STAMBP: variants seen among roughly 807,000 people sequenced by gnomAD.
The protein encoded by STAMBP is STAM binding protein, also known as STAM-binding protein.
A neutral mutation model predicts 50.7 loss-of-function variants in STAMBP; 31 were observed. The observed-to-expected ratio is 0.61, with a 90% CI of 0.46 to 0.83. The LOEUF (loss-of-function observed/expected upper bound fraction) is 0.83, where lower values mean the gene tolerates loss of function less well. STAMBP is among the 40% of genes least tolerant of loss of function. The pLI is 0.00. For missense variants in STAMBP, 472 were observed against 518.9 expected, an observed-to-expected ratio of 0.91 and a Z score of 0.88; for synonymous variants, 211 against 192.4, an observed-to-expected ratio of 1.10 and a Z score of -0.80.
At chr2:73,858,326 A>T (rs1677852210) in intron 7 of STAMBP, among the ~76,000 whole-genome samples, 1 of 151,708 alleles carries the variant, frequency 6.6e-6, no homozygotes, top group Non-Finnish European at 1.5e-5. Context: ...TTTAAGAGAG[A>T]TGTGGTTTCA....
intron 2 of STAMBP, among the ~76,000 whole-genome samples, chr2:73,837,680 T>G (rs2950281): frequency 6.6e-6 from 1 of 151,652 alleles, no homozygotes; most frequent in Non-Finnish European, 1.5e-5. Flanking sequence ...TCCATAAAAT[T>G]GGGGTATTCT....
At chr2:73,852,420 C>T (rs983009985) in intron 7 of STAMBP, among the ~76,000 whole-genome samples, 3 of 152,124 alleles carry the variant, frequency 2.0e-5, no homozygotes, top group African/African-American at 7.2e-5. Flanking sequence ...AGGTAGTTAT[C>T]AGCCAGTTGG....
At chr2:73,870,423 C>T (rs1245270893), downstream of STAMBP, 2 of 152,200 alleles carry the variant, frequency 1.3e-5, no homozygotes, top group African/African-American at 4.8e-5. Context: ...TGAAGAAGTC[C>T]TGGGTACCCA....
chr2:73,838,852 A>G (rs1573279249), intron 2 of STAMBP, among the ~76,000 whole-genome samples: 1 of 152,342 alleles, frequency 6.6e-6, no homozygotes, highest in East Asian at 1.9e-4. Flanking sequence ...TAATGTAGCT[A>G]CCTTCACTTT....
At chr2:73,867,814 G>A (rs1420555281), downstream of STAMBP, among the ~76,000 whole-genome samples, 1 of 151,980 alleles carries the variant, frequency 6.6e-6, no homozygotes, top group East Asian at 1.9e-4. Context: ...GAAACCAGGG[G>A]GAAAGAAATA....
At chr2:73,845,041 G>A in intron 3 of STAMBP, 126 bp from the exon 4 acceptor site, 1 of 1,526,888 alleles carries the variant, frequency 6.5e-7, no homozygotes, top group Non-Finnish European at 8.8e-7. Flanking sequence ...TAGCAGGTAT[G>A]GTACAGTAGG....
rs1678435599 is a variant in STAMBP, at chr2:73,862,363, A to G, written c.*104A>G. ...AGCTTTGGAAGTTTTTGTAGATAGT[A>G]GAAAGGGGGGCATCACCTGAGAAAG... On this transcript the variant is annotated 3_prime_UTR_variant, in exon 10 of 10. Transcript: ENST00000394070. The G allele has an allele frequency of 1.1e-6, 1 of 905,616 alleles. No homozygotes were observed. Among genetic ancestry groups the G allele is most frequent in the Non-Finnish European group, 1.6e-6 (1 of 624,180 alleles). 56.1% of individuals were successfully genotyped at this position (905,616 alleles called of 1,614,324 possible). A position where few individuals can be genotyped will look rare whatever the true frequency, so the allele number is the denominator to read the frequency against.
downstream of STAMBP, among the ~76,000 whole-genome samples, chr2:73,871,883 T>A (rs1203701329): frequency 1.3e-5 from 2 of 152,108 alleles, no homozygotes; most frequent in Non-Finnish European, 2.9e-5. Flanking sequence ...TTCTTCTGCC[T>A]CAGCCTCCTG....
intron 4 of STAMBP, among the ~76,000 whole-genome samples, chr2:73,847,118 G>A (rs1319900093): frequency 6.6e-6 from 1 of 151,296 alleles, no homozygotes; most frequent in African/African-American, 2.4e-5. Context: ...GAAGAGGAAA[G>A]TGCATTAGGT....
chr2:73,857,410 A>G lies in STAMBP; in HGVS notation c.1006-1844A>G, dbSNP rs547962069. Among the ~76,000 whole-genome samples, 9 of 151,998 alleles carry G rather than the reference A, an allele frequency of 5.9e-5. No homozygotes were observed. The South Asian group carries it at 1.7e-3, about 28-fold the overall frequency. Reference sequence around the variant, plus strand: ...TGTTTACCTCCCTTTTTGTCTGCCTACTCCAGTTCCCCCTTCCCCCTGAGT... The same window carrying G: ...TGTTTACCTCCCTTTTTGTCTGCCTGCTCCAGTTCCCCCTTCCCCCTGAGT... On this transcript the variant is annotated intron_variant, in intron 7 of 9. Coordinates refer to ENST00000394070, the MANE Select transcript of STAMBP (RefSeq NM_213622.4).
chr2:73,851,110 A>G (rs1439780250), intron 7 of STAMBP, among the ~76,000 whole-genome samples: 1 of 152,180 alleles, frequency 6.6e-6, no homozygotes, highest in Admixed American at 6.5e-5. Flanking sequence ...CCCAAGCTGC[A>G]TTTTATGCTG....
intron 2 of STAMBP, among the ~76,000 whole-genome samples, chr2:73,834,236 AATAT>A (rs148699255): frequency 2.3e-3 from 83 of 36,376 alleles, no homozygotes; most frequent in African/African-American, 5.8e-3. Flanking sequence ...AAAAAAAAAA[AATAT>A]ATATATATAT....
At chr2:73,858,182 T>C (rs1677822258) in intron 7 of STAMBP, among the ~76,000 whole-genome samples, 1 of 148,446 alleles carries the variant, frequency 6.7e-6, no homozygotes, top group Non-Finnish European at 1.5e-5. Context: ...TTTTTTTTTT[T>C]TTTAGTAGAG....
In STAMBP at chr2:73,859,282, C is replaced by G. The variant is rs769693096; in HGVS notation, c.1034C>G (p.Ser345Cys). The G allele has an allele frequency of 2.8e-5, 45 of 1,613,656 alleles. No homozygotes were observed. The highest frequency in any genetic ancestry group is 3.7e-5 in the Non-Finnish European group (44 of 1,179,872). The change falls in exon 8 of 10, where the codon TCC becomes TGC. Residue 345 changes from serine to cysteine, a missense_variant. Coordinates refer to ENST00000394070, the MANE Select transcript of STAMBP (RefSeq NM_213622.4). ...HTHPTQTAFL[S>C]SVDLHTHCSY... ...CACCCCACACAGACCGCGTTTCTCT[C>G]CAGTGTCGACCTACACACTCACTGC...
Position 73,862,360 on chromosome 2 carries a change from A to T in STAMBP, c.*101A>T, listed in dbSNP as rs1678435338. On this transcript the variant is annotated 3_prime_UTR_variant, in exon 10 of 10. Transcript: ENST00000394070. ...GAAAGCTTTGGAAGTTTTTGTAGAT[A>T]GTAGAAAGGGGGGCATCACCTGAGA... 1 of 984,066 alleles carries T rather than the reference A, an allele frequency of 1.0e-6. No homozygotes were observed. The highest frequency in any genetic ancestry group is 1.5e-6 in the Non-Finnish European group (1 of 685,534). 61.0% of individuals were successfully genotyped at this position (984,066 alleles called of 1,614,324 possible).
chr2:73,853,487 A>G (rs1677124482), intron 7 of STAMBP, among the ~76,000 whole-genome samples: 2 of 152,118 alleles, frequency 1.3e-5, no homozygotes, highest in Admixed American at 1.3e-4. Flanking sequence ...AGTTTGGGAG[A>G]CCAAGGCGGG....
chr2:73,869,909 A>G (rs1220937660), downstream of STAMBP, among the ~76,000 whole-genome samples: 4 of 152,182 alleles, frequency 2.6e-5, no homozygotes, highest in East Asian at 7.7e-4. Flanking sequence ...TCAAACCCAC[A>G]CTCAACCACA....
rs1678428000 is a variant in STAMBP at position 73,862,297 on chromosome 2, A to G, written c.*38A>G. 3 of 1,587,366 alleles carry G rather than the reference A, an allele frequency of 1.9e-6. No individual in the cohort carries two copies. The highest frequency in any genetic ancestry group is 2.2e-5 in the East Asian group (1 of 44,464). ...AACACCTTCCAAGAACAACAAAACC[A>G]TATCAGTGTACTGTAGCCCCTTAAT... On this transcript the variant is annotated 3_prime_UTR_variant, in exon 10 of 10. Coordinates refer to ENST00000394070, the MANE Select transcript of STAMBP (RefSeq NM_213622.4).
intron 2 of STAMBP, among the ~76,000 whole-genome samples, chr2:73,836,056 G>A (rs892390581): frequency 5.3e-5 from 8 of 151,900 alleles, no homozygotes; most frequent in Non-Finnish European, 7.4e-5. Flanking sequence ...GCAGTGGTGC[G>A]CTGTTTTTCT....
Sources: gnomAD v4.1 joint callset for allele counts (sites outside exome capture counted in the v4.1 genomes callset) on GRCh38, gnomAD v4.1.1 for gene constraint, MANE v1.5 for transcripts, NCBI Gene and HGNC (gene_info 2026-07-23, HGNC 2026-07-21) for gene names.